Variants in SEC63 observed in about 807,000 individuals in gnomAD.
SEC63 encodes the protein SEC63 protein translocation regulator.
SEC63 carries 56 observed loss-of-function variants against 116.2 expected under a neutral mutation model. That is an observed-to-expected ratio of 0.48 (90% CI 0.39 to 0.60). SEC63 has a LOEUF of 0.60. SEC63 is among the 20% of genes least tolerant of loss of function. SEC63 has a pLI of 0.00. For missense variants in SEC63, 668 were observed against 900.0 expected (o/e 0.74, Z 3.30); for synonymous variants, 273 against 294.6 (o/e 0.93, Z 0.75).
Position 107,935,374 on chromosome 6 carries a change from G to A in SEC63, c.125-5860C>T, listed in dbSNP as rs974497344. The stretch of plus-strand genomic sequence containing the variant: ...GGGGGGAAAGGTGGGGAAAAGATTG[G>A]GAAATCGGATGGTTGCCGTGTCTGT... On this transcript the variant is annotated intron_variant, in intron 1 of 20. Transcript: ENST00000369002. 2.0e-3 allele frequency among the ~76,000 whole-genome samples: 300 copies of A among 151,672 alleles called. 1 individual carries two copies. Among genetic ancestry groups the A allele is most frequent in the South Asian group, 0.013 (61 of 4,774 alleles).
At chr6:107,887,793 T>C (rs1457369464) in intron 16 of SEC63, among the ~76,000 whole-genome samples, 4 of 152,322 alleles carry the variant, frequency 2.6e-5, no homozygotes, top group African/African-American at 9.6e-5. Flanking sequence ...AGGAATCCAG[T>C]TCCTGCTTTC....
intron 10 of SEC63, among the ~76,000 whole-genome samples, chr6:107,906,077 G>C (rs1323387569): frequency 2.6e-5 from 4 of 152,138 alleles, no homozygotes; most frequent in East Asian, 3.8e-4. Context: ...TTGGATCAGG[G>C]GGGTGGAGTT....
intron 16 of SEC63, chr6:107,883,525 C>T (rs1252324684): frequency 1.0e-4 from 22 of 216,572 alleles, no homozygotes; most frequent in African/African-American, 1.7e-4. Flanking sequence ...CCAGTCACAG[C>T]GACTCATGCA....
At chr6:107,931,559 C>A (rs1257294215) in intron 1 of SEC63, among the ~76,000 whole-genome samples, 2 of 150,952 alleles carry the variant, frequency 1.3e-5, no homozygotes, top group African/African-American at 4.9e-5. Context: ...ACCATCCTAG[C>A]TAACACAGTG....
intron 1 of SEC63, chr6:107,954,454 A>T (rs1242566149): frequency 6.8e-5 from 10 of 146,518 alleles, no homozygotes; most frequent in African/African-American, 2.3e-4. Context: ...AACACCCAAG[A>T]ATGATCAATT....
chr6:107,939,683 C>G (rs1770331951), intron 1 of SEC63, among the ~76,000 whole-genome samples: 1 of 151,982 alleles, frequency 6.6e-6, no homozygotes, highest in Non-Finnish European at 1.5e-5. Context: ...CTGCAGTGAG[C>G]CAAGATCACG....
chr6:107,929,530 A>C lies in SEC63; in HGVS notation c.125-16T>G, dbSNP rs752390795. 1 of 1,453,938 alleles carries C rather than the reference A, an allele frequency of 6.9e-7. No individual in the cohort carries two copies. The highest frequency in any genetic ancestry group is 1.1e-5 in the South Asian group (1 of 87,584). The allele number at this position is 1,453,938 out of a possible 1,614,324, so 90.1% of individuals were successfully genotyped here. A position where few individuals can be genotyped will look rare whatever the true frequency, so the allele number is the denominator to read the frequency against. On this transcript the variant is annotated splice_polypyrimidine_tract_variant and intron_variant, in intron 1 of 20. Coordinates refer to ENST00000369002, the MANE Select transcript of SEC63 (RefSeq NM_007214.5). ...CGAATTTGCTCTGTCAAGAAAGAAA[A>C]ATAAGATGAATTAAAAACCATTTTT...
intron 14 of SEC63, among the ~76,000 whole-genome samples, chr6:107,895,138 C>A (rs1432442397): frequency 1.3e-5 from 2 of 152,162 alleles, no homozygotes; most frequent in Admixed American, 6.6e-5. Context: ...AAAAACAATT[C>A]TTTTCTTTAC....
At chr6:107,932,833 A>T (rs1787843197) in intron 1 of SEC63, among the ~76,000 whole-genome samples, 1 of 152,124 alleles carries the variant, frequency 6.6e-6, no homozygotes, top group Non-Finnish European at 1.5e-5. Flanking sequence ...ATTCTCCACT[A>T]ACAGGAACCA....
intron 1 of SEC63, among the ~76,000 whole-genome samples, chr6:107,951,866 G>C (rs898262899): frequency 6.6e-6 from 1 of 151,878 alleles, no homozygotes; most frequent in Non-Finnish European, 1.5e-5. Flanking sequence ...CCAGATACTC[G>C]GGAGGCTGAG....
chr6:107,935,433 T>C (rs1372997222), intron 1 of SEC63, among the ~76,000 whole-genome samples: 6 of 151,130 alleles, frequency 4.0e-5, no homozygotes, highest in Non-Finnish European at 8.9e-5. Context: ...ACTTTTCATT[T>C]TGTTCTGTAC....
At chr6:107,932,635 A>C (rs890046638) in intron 1 of SEC63, among the ~76,000 whole-genome samples, 1 of 152,164 alleles carries the variant, frequency 6.6e-6, no homozygotes, top group Non-Finnish European at 1.5e-5. Context: ...ACAAGAATGA[A>C]CCCTGTACTG....
intron 1 of SEC63, among the ~76,000 whole-genome samples, chr6:107,938,665 C>A (rs1160894704): frequency 6.6e-6 from 1 of 151,430 alleles, no homozygotes; most frequent in Non-Finnish European, 1.5e-5. Flanking sequence ...CAGGTTCAAG[C>A]AATGCCTCAG....
intron 4 of SEC63, among the ~76,000 whole-genome samples, chr6:107,920,451 G>C (rs1269522129): frequency 3.0e-5 from 3 of 99,172 alleles, no homozygotes; most frequent in Admixed American, 1.0e-4. Flanking sequence ...AAAAAAAAAA[G>C]ACATAAGGCT....
chr6:107,902,837 G>T lies in SEC63; in HGVS notation c.1209+7C>A. ...TGAAAACTGACTTTAAAGTAGCAAAGAATTACCTTCTTATGATTAGAAACC... is the reference window on the plus strand; with the variant it reads ...TGAAAACTGACTTTAAAGTAGCAAATAATTACCTTCTTATGATTAGAAACC... On this transcript the variant is annotated splice_region_variant and intron_variant, in intron 12 of 20. Transcript: ENST00000369002. The T allele has an allele frequency of 6.2e-7, 1 of 1,613,374 alleles. No homozygotes were observed. The highest frequency in any genetic ancestry group is 1.1e-5 in the South Asian group (1 of 91,042).
intron 1 of SEC63, among the ~76,000 whole-genome samples, chr6:107,948,759 G>A (rs1459160154): frequency 1.3e-5 from 2 of 151,990 alleles, no homozygotes; most frequent in Admixed American, 6.6e-5. Context: ...CCACCAAAAC[G>A]AACAACTGCT....
chr6:107,883,784 G>A (rs922733614), intron 16 of SEC63, among the ~76,000 whole-genome samples: 3 of 151,382 alleles, frequency 2.0e-5, no homozygotes, highest in Admixed American at 1.3e-4. Context: ...TTCAGTCTGG[G>A]TGACAGAGCA....
intron 1 of SEC63, among the ~76,000 whole-genome samples, chr6:107,953,521 T>G (rs1583783527): frequency 1.7e-5 from 2 of 115,480 alleles, no homozygotes; most frequent in Admixed American, 9.2e-5. Context: ...GGGAGGGAGG[T>G]GGGGGGTCAG....
chr6:107,888,181 G>T (rs541188962), intron 16 of SEC63, among the ~76,000 whole-genome samples: 1 of 152,164 alleles, frequency 6.6e-6, no homozygotes, highest in Admixed American at 6.5e-5. Context: ...AATTACTTTG[G>T]GGAGTGTGGC....
Sources: allele counts gnomAD v4.1 joint callset (sites outside exome capture counted in the v4.1 genomes callset), GRCh38; gene constraint gnomAD v4.1.1; transcripts MANE v1.5; gene names NCBI Gene and HGNC (gene_info 2026-07-23, HGNC 2026-07-21).